The following AGTPBP1 variants were observed in gnomAD, a reference collection of about 807,000 sequenced individuals.
AGTPBP1 encodes the protein cytosolic carboxypeptidase 1.
Under a neutral mutation model 143.9 loss-of-function variants are expected in AGTPBP1, and 70 were observed. The observed-to-expected ratio is 0.49, with a 90% CI of 0.40 to 0.59. The LOEUF (loss-of-function observed/expected upper bound fraction) is 0.59, where lower values mean the gene tolerates loss of function less well. Ranked by LOEUF, AGTPBP1 falls within the 20% of genes least tolerant of loss-of-function variation. AGTPBP1 has a pLI of 0.00. For missense variants in AGTPBP1, 1,229 were observed against 1,464.5 expected (o/e 0.84, Z 2.62); for synonymous variants, 463 against 500.2 (o/e 0.93, Z 0.99).
chr9:85,630,391 C>T (rs117553355), intron 14 of AGTPBP1, among the ~76,000 whole-genome samples: 6,022 of 151,446 alleles, frequency 0.04, 143 homozygotes, highest in South Asian at 0.049. Flanking sequence ...TACTTACTTA[C>T]TTATTTATTT....
At chr9:85,570,194 T>C (rs1245363724) in intron 25 of AGTPBP1, among the ~76,000 whole-genome samples, 1 of 152,204 alleles carries the variant, frequency 6.6e-6, no homozygotes, top group Non-Finnish European at 1.5e-5. Flanking sequence ...CAATGACTCA[T>C]GTCCCAGGTG....
At chr9:85,643,864 C>A (rs1724419711) in intron 12 of AGTPBP1, among the ~76,000 whole-genome samples, 1 of 152,118 alleles carries the variant, frequency 6.6e-6, no homozygotes, top group South Asian at 2.1e-4. Context: ...TAATTATTAT[C>A]TTTGTTATGG....
intron 1 of AGTPBP1, among the ~76,000 whole-genome samples, chr9:85,723,912 A>G (rs148968923): frequency 1.3e-5 from 2 of 152,312 alleles, no homozygotes; most frequent in Admixed American, 6.5e-5. Context: ...GGCACCATCT[A>G]TGAACCATGA....
chr9:85,642,680 A>AT, intron 13 of AGTPBP1, 147 bp downstream of exon 13: 1 of 680,226 alleles, frequency 1.5e-6, no homozygotes, highest in East Asian at 2.7e-5. Flanking sequence ...GGATATTGAC[A>AT]TAATTATTCA....
At chr9:85,792,723 T>G in the AGTPBP1 span, among the ~76,000 whole-genome samples, 1 of 152,250 alleles carries the variant, frequency 6.6e-6, no homozygotes, top group Admixed American at 6.5e-5. Context: ...TTTTGTTACA[T>G]AGCAAATATT....
At chr9:85,575,267 C>G (rs754864983) in intron 25 of AGTPBP1, 48 bp downstream of exon 25, 18 of 1,432,750 alleles carry the variant, frequency 1.3e-5, no homozygotes, top group Non-Finnish European at 1.6e-5. Context: ...TTAATGAAGT[C>G]TAATAATATA....
chr9:85,727,832 C>T (rs974003943), intron 1 of AGTPBP1, among the ~76,000 whole-genome samples: 2 of 151,850 alleles, frequency 1.3e-5, no homozygotes, highest in African/African-American at 4.8e-5. Context: ...GCCTGGGTAA[C>T]ATAGTGATAC....
intron 25 of AGTPBP1, among the ~76,000 whole-genome samples, chr9:85,572,113 G>A (rs574359406): frequency 4.0e-3 from 529 of 133,472 alleles, no homozygotes; most frequent in Middle Eastern, 9.3e-3. Context: ...TGCAACCTCC[G>A]CCTCTTGGGT....
At chr9:85,599,110 A>AACACACAC (rs57074552) in intron 17 of AGTPBP1, among the ~76,000 whole-genome samples, 7,571 of 135,326 alleles carry the variant, frequency 0.056, 295 homozygotes, top group East Asian at 0.16. Flanking sequence ...CTTGTCACTG[A>AACACACAC]ACACACACAC....
At chr9:85,737,561 G>C (rs1269486525) in intron 1 of AGTPBP1, among the ~76,000 whole-genome samples, 2 of 152,200 alleles carry the variant, frequency 1.3e-5, no homozygotes, top group African/African-American at 4.8e-5. Flanking sequence ...AACAAAATGG[G>C]TGGTGATATT....
chr9:85,553,225 T>C (rs892987777), intron 25 of AGTPBP1, among the ~76,000 whole-genome samples: 2 of 152,168 alleles, frequency 1.3e-5, no homozygotes, highest in Non-Finnish European at 2.9e-5. Context: ...AATATGTCTA[T>C]TTGGAAAAAA....
At chr9:85,677,350 T>C in intron 6 of AGTPBP1, 86 bp downstream of exon 6, 1 of 1,244,030 alleles carries the variant, frequency 8.0e-7, no homozygotes, top group Non-Finnish European at 1.1e-6. Context: ...AATAACATTT[T>C]TAAAAACTGA....
In AGTPBP1 at chr9:85,633,006, G is replaced by A; in HGVS notation, c.1671C>T (p.Asp557=). The change falls in exon 14 of 26, where the codon GAC becomes GAT. Residue 557 remains aspartate, a synonymous_variant. Coordinates refer to ENST00000357081, the MANE Select transcript of AGTPBP1 (RefSeq NM_001330701.2). ...APGFTAEMKK[D]CSLPLTVLTC... is the part of the protein sequence containing the mutation. Reference sequence around the variant, plus strand: ...TAAGGACAGTAAGAGGAAGACTGCAGTCCTTCTTCATTTCTGCAGTAAAAC... The same window carrying A: ...TAAGGACAGTAAGAGGAAGACTGCAATCCTTCTTCATTTCTGCAGTAAAAC... 6 of 1,614,156 alleles carry A rather than the reference G, an allele frequency of 3.7e-6. No homozygotes were observed. Among genetic ancestry groups the A allele is most frequent in the Non-Finnish European group, 5.1e-6 (6 of 1,180,020 alleles).
chr9:85,744,207 A>G (rs1047477983), upstream of AGTPBP1, among the ~76,000 whole-genome samples: 1 of 152,114 alleles, frequency 6.6e-6, no homozygotes, highest in Non-Finnish European at 1.5e-5. Flanking sequence ...CTGAGATTAC[A>G]GGCATTAATA....
the AGTPBP1 span, among the ~76,000 whole-genome samples, chr9:85,779,958 A>G: frequency 6.6e-6 from 1 of 152,224 alleles, no homozygotes; most frequent in Admixed American, 6.5e-5. Context: ...TATCAGACAT[A>G]AAATTAAGTT....
chr9:85,639,737 G>A (rs550294940), intron 13 of AGTPBP1, among the ~76,000 whole-genome samples: 1 of 152,222 alleles, frequency 6.6e-6, no homozygotes, highest in African/African-American at 2.4e-5. Context: ...ACAGACATAT[G>A]AATAAAAGAA....
At chr9:85,769,050 C>CAA in the AGTPBP1 span, among the ~76,000 whole-genome samples, 38 of 60,160 alleles carry the variant, frequency 6.3e-4, no homozygotes, top group African/African-American at 1.8e-3. Context: ...GAGGCCCTGT[C>CAA]AAAAAAAAAA....
At chr9:85,678,477 T>G in intron 4 of AGTPBP1, 79 bp from the exon 5 acceptor site, 1 of 863,680 alleles carries the variant, frequency 1.2e-6, no homozygotes, top group Non-Finnish European at 1.8e-6. Flanking sequence ...GAACTACCTA[T>G]ATTTTACAAA....
the AGTPBP1 span, among the ~76,000 whole-genome samples, chr9:85,778,131 C>A: frequency 1.3e-5 from 2 of 152,146 alleles, no homozygotes; most frequent in Admixed American, 1.3e-4. Context: ...GTAACTTATA[C>A]CTTCAGGACC....
Sources: allele counts gnomAD v4.1 joint callset (sites outside exome capture counted in the v4.1 genomes callset), GRCh38; gene constraint gnomAD v4.1.1; transcripts MANE v1.5; gene names NCBI Gene and HGNC (gene_info 2026-07-23, HGNC 2026-07-21).